Variants in SGCD observed in about 807,000 individuals in gnomAD.
SGCD encodes the protein sarcoglycan delta, also known as delta-sarcoglycan.
A neutral mutation model predicts 36.6 loss-of-function variants in SGCD; 18 were observed. The ratio of observed to expected loss-of-function variants is 0.49; its 90% confidence interval spans 0.34 to 0.73. SGCD has a LOEUF of 0.73. SGCD is among the 30% of genes least tolerant of loss of function. SGCD has a pLI of 0.01. For synonymous variants in SGCD, 133 were observed against 130.6 expected, an observed-to-expected ratio of 1.02 and a Z score of -0.12; for missense variants, 387 against 346.7, an observed-to-expected ratio of 1.12 and a Z score of -0.92.
At chr5:155,909,170 C>G (rs1756581331) in intron 1 of SGCD, among the ~76,000 whole-genome samples, 1 of 152,104 alleles carries the variant, frequency 6.6e-6, no homozygotes, top group African/African-American at 2.4e-5. Context: ...CTGCTGAACT[C>G]ATTTCAGGAA....
chr5:156,448,960 G>T (rs190547157), intron 3 of SGCD, among the ~76,000 whole-genome samples: 2 of 151,942 alleles, frequency 1.3e-5, no homozygotes, highest in East Asian at 3.9e-4. Flanking sequence ...TACCATGTTG[G>T]CCAGGCTGGT....
intron 7 of SGCD, among the ~76,000 whole-genome samples, chr5:156,756,950 A>G (rs1223383861): frequency 6.6e-6 from 1 of 152,206 alleles, no homozygotes; most frequent in Non-Finnish European, 1.5e-5. Context: ...TAACAATAGT[A>G]ACAGCAGTAA....
At chr5:155,808,846 T>C in the SGCD span, among the ~76,000 whole-genome samples, 4 of 152,224 alleles carry the variant, frequency 2.6e-5, no homozygotes, top group Non-Finnish European at 5.9e-5. Context: ...GTAGAAATGA[T>C]GTATGTGCCA....
intron 7 of SGCD, among the ~76,000 whole-genome samples, chr5:156,741,275 C>A (rs1234874955): frequency 6.6e-6 from 1 of 152,148 alleles, no homozygotes; most frequent in Non-Finnish European, 1.5e-5. Flanking sequence ...TCAACAAAAA[C>A]AATTTCAACA....
chr5:156,082,274 G>GT (rs1194417000), intron 1 of SGCD, among the ~76,000 whole-genome samples: 1 of 146,354 alleles, frequency 6.8e-6, no homozygotes, highest in African/African-American at 2.5e-5. Flanking sequence ...GGTGGGCGGG[G>GT]GGGTCCAGGG....
At chr5:155,851,792 C>T in the SGCD span, among the ~76,000 whole-genome samples, 2 of 152,186 alleles carry the variant, frequency 1.3e-5, no homozygotes, top group African/African-American at 4.8e-5. Context: ...GCCTCTTTTC[C>T]CTCAAGCTGA....
chr5:155,945,142 T>A (rs921920071), intron 1 of SGCD, among the ~76,000 whole-genome samples: 1 of 152,110 alleles, frequency 6.6e-6, no homozygotes, highest in Non-Finnish European at 1.5e-5. Context: ...CAAATGAAAA[T>A]TTTGAGAACC....
intron 3 of SGCD, among the ~76,000 whole-genome samples, chr5:156,317,194 G>T (rs1362035508): frequency 6.6e-6 from 1 of 152,052 alleles, no homozygotes; most frequent in Non-Finnish European, 1.5e-5. Context: ...AGATAATTTA[G>T]TAATATCTGC....
At chr5:156,374,398 A>G (rs1770548683) in intron 3 of SGCD, among the ~76,000 whole-genome samples, 1 of 152,176 alleles carries the variant, frequency 6.6e-6, no homozygotes. Context: ...TGGAGTCATT[A>G]CTGCCAGTCA....
intron 3 of SGCD, among the ~76,000 whole-genome samples, chr5:156,367,641 C>T (rs1167714487): frequency 3.9e-5 from 6 of 152,184 alleles, no homozygotes; most frequent in African/African-American, 1.4e-4. Context: ...ACAATCTACA[C>T]CATTCCCTCC....
the SGCD span, among the ~76,000 whole-genome samples, chr5:155,827,857 T>TG: frequency 6.7e-6 from 1 of 148,354 alleles, no homozygotes; most frequent in Admixed American, 6.7e-5. Flanking sequence ...TTTTTTTTTT[T>TG]TTTTTGTATT....
At chr5:156,020,012 C>A (rs963850452) in intron 1 of SGCD, among the ~76,000 whole-genome samples, 2 of 152,190 alleles carry the variant, frequency 1.3e-5, no homozygotes, top group African/African-American at 4.8e-5. Flanking sequence ...TATTCTGCCT[C>A]CAAGCCCTTG....
At chr5:156,449,409 A>G (rs1753896313) in intron 3 of SGCD, among the ~76,000 whole-genome samples, 1 of 152,118 alleles carries the variant, frequency 6.6e-6, no homozygotes, top group Admixed American at 6.6e-5. Context: ...TCACTGCCTG[A>G]GAAATTCAGT....
chr5:156,352,769 C>T (rs1490311241), intron 3 of SGCD, among the ~76,000 whole-genome samples: 1 of 152,146 alleles, frequency 6.6e-6, no homozygotes, highest in Admixed American at 6.5e-5. Context: ...TTGTTATCCA[C>T]ATTTGACAGA....
intron 3 of SGCD, among the ~76,000 whole-genome samples, chr5:156,346,235 G>A (rs146896197): frequency 6.6e-6 from 1 of 152,036 alleles, no homozygotes; most frequent in African/African-American, 2.4e-5. Context: ...TTACCTTGAT[G>A]TTACAAATTT....
At chr5:156,178,446 G>A (rs1329591782) in intron 3 of SGCD, among the ~76,000 whole-genome samples, 1 of 152,134 alleles carries the variant, frequency 6.6e-6, no homozygotes, top group Non-Finnish European at 1.5e-5. Context: ...ATATAAGAAT[G>A]CTCACAACAA....
chr5:155,981,201 T>G (rs961413329), intron 1 of SGCD, among the ~76,000 whole-genome samples: 1 of 152,016 alleles, frequency 6.6e-6, no homozygotes, highest in African/African-American at 2.4e-5. Flanking sequence ...GCATTGACAA[T>G]GTGGGACAAA....
At chr5:156,171,086 G>T (rs1027575804) in intron 3 of SGCD, among the ~76,000 whole-genome samples, 1 of 151,910 alleles carries the variant, frequency 6.6e-6, no homozygotes, top group Non-Finnish European at 1.5e-5. Flanking sequence ...GTGTCTTTGC[G>T]GTTTGGACAT....
At chr5:155,853,394 G>GA in the SGCD span, among the ~76,000 whole-genome samples, 163 of 148,066 alleles carry the variant, frequency 1.1e-3, 1 homozygote, top group African/African-American at 3.6e-3. Context: ...TTGTCAGTTA[G>GA]AAAAAAAAAA....
Sources: allele counts gnomAD v4.1 joint callset (sites outside exome capture counted in the v4.1 genomes callset), GRCh38; gene constraint gnomAD v4.1.1; transcripts MANE v1.5; gene names NCBI Gene and HGNC (gene_info 2026-07-23, HGNC 2026-07-21).